CELF4: variants seen among roughly 807,000 people sequenced by gnomAD.
CELF4 encodes CUGBP Elav-like family member 4.
CELF4 carries 18 observed loss-of-function variants against 59.9 expected under a neutral mutation model. The ratio of observed to expected loss-of-function variants is 0.30; its 90% CI spans 0.21 to 0.45. The LOEUF is 0.45. CELF4 is among the 20% of genes least tolerant of loss of function. The pLI, the probability that CELF4 is intolerant of heterozygous loss-of-function variation, is 1.00. For missense variants in CELF4, 456 were observed against 689.0 expected, an observed-to-expected ratio of 0.66 and a Z score of 3.79; for synonymous variants, 261 against 267.1, an observed-to-expected ratio of 0.98 and a Z score of 0.22.
chr18:37,534,327 T>C (rs572562998), intron 1 of CELF4, among the ~76,000 whole-genome samples: 22 of 152,020 alleles, frequency 1.4e-4, no homozygotes, highest in Admixed American at 5.9e-4. Context: ...GCAGAAGGTG[T>C]CCAGCACCCA....
Position 37,273,064 on chromosome 18 carries a change from C to T in CELF4, c.901G>A (p.Ala301Thr). The change falls in exon 7 of 13, where the codon GCC (alanine) becomes ACC (threonine). Residue 301 changes from alanine (A) to threonine (T), a missense_variant. Physicochemically the swap from Ala to Thr is moderately conservative, Grantham distance 58 (BLOSUM62 0). Coordinates refer to ENST00000420428, the MANE Select transcript of CELF4 (RefSeq NM_020180.4). Reference sequence around the variant, plus strand: ...GCCGCCAGGCCATTCATGTTGAGGGCCGCCATCTGCTGCATCTGGGCGGCA... The same window carrying T: ...GCCGCCAGGCCATTCATGTTGAGGGTCGCCATCTGCTGCATCTGGGCGGCA... ...FAAAQMQQMA[A>T]LNMNGLAAAP... 6.2e-7 allele frequency: 1 copy of T among 1,612,672 alleles called. No individual in the cohort carries two copies. The highest frequency in any genetic ancestry group is 1.9e-4 in the Middle Eastern group (1 of 5,388).
At chr18:37,430,829 C>T (rs2099644757) in intron 2 of CELF4, among the ~76,000 whole-genome samples, 1 of 152,194 alleles carries the variant, frequency 6.6e-6, no homozygotes, top group Non-Finnish European at 1.5e-5. Context: ...AGTGCTTGCT[C>T]CTTCTCCTTA....
intron 1 of CELF4, among the ~76,000 whole-genome samples, chr18:37,502,563 G>A (rs1314613225): frequency 6.6e-6 from 1 of 152,218 alleles, no homozygotes. Flanking sequence ...CCTCCAGCAA[G>A]GCTAGTATCT....
At chr18:37,349,196 G>A (rs1022262572) in intron 2 of CELF4, among the ~76,000 whole-genome samples, 3 of 152,186 alleles carry the variant, frequency 2.0e-5, no homozygotes, top group Admixed American at 6.5e-5. Context: ...AGGCGGTTTC[G>A]GCAGTTCCCA....
intron 2 of CELF4, among the ~76,000 whole-genome samples, chr18:37,462,258 A>C (rs978602377): frequency 6.6e-6 from 1 of 152,172 alleles, no homozygotes; most frequent in East Asian, 1.9e-4. Flanking sequence ...GAAAAGGAGA[A>C]GCTAGCATCA....
intron 2 of CELF4, among the ~76,000 whole-genome samples, chr18:37,327,927 G>A (rs2097378955): frequency 6.6e-6 from 1 of 152,194 alleles, no homozygotes; most frequent in African/African-American, 2.4e-5. Context: ...CAAAGTCTAG[G>A]TTTGAAGCTC....
intron 2 of CELF4, among the ~76,000 whole-genome samples, chr18:37,384,443 G>C (rs915527326): frequency 6.6e-6 from 1 of 152,078 alleles, no homozygotes; most frequent in Non-Finnish European, 1.5e-5. Flanking sequence ...GAGGGGCCCT[G>C]TTGGGGGCCT....
intron 2 of CELF4, among the ~76,000 whole-genome samples, chr18:37,333,852 G>A (rs1369625238): frequency 6.6e-6 from 1 of 151,922 alleles, no homozygotes; most frequent in African/African-American, 2.4e-5. Flanking sequence ...GCACCTCTGT[G>A]TGCCAGGCCC....
intron 3 of CELF4, among the ~76,000 whole-genome samples, chr18:37,320,488 T>A (rs1603462184): frequency 6.6e-6 from 1 of 151,956 alleles, no homozygotes; most frequent in East Asian, 1.9e-4. Context: ...AGGCTGGAGG[T>A]AGGAAGCCAC....
At chr18:37,457,486 C>T (rs2099781590) in intron 2 of CELF4, among the ~76,000 whole-genome samples, 1 of 152,200 alleles carries the variant, frequency 6.6e-6, no homozygotes, top group Admixed American at 6.5e-5. Flanking sequence ...CACCAACCCA[C>T]TTCCCAGGCA....
chr18:37,271,991 C>T (rs961351561), intron 7 of CELF4, among the ~76,000 whole-genome samples: 1 of 152,158 alleles, frequency 6.6e-6, no homozygotes, highest in Non-Finnish European at 1.5e-5. Flanking sequence ...ACTGCCTGGG[C>T]TCATGTGTAT....
chr18:37,473,337 A>G (rs1016079381), intron 2 of CELF4: 1 of 152,192 alleles, frequency 6.6e-6, no homozygotes, highest in Non-Finnish European at 1.5e-5. Context: ...CCACTGGTGC[A>G]ACTGTCAAAA....
intron 2 of CELF4, among the ~76,000 whole-genome samples, chr18:37,368,210 C>G (rs912126667): frequency 3.3e-5 from 5 of 152,118 alleles, no homozygotes; most frequent in Non-Finnish European, 2.9e-5. Flanking sequence ...TTCCCCTGCC[C>G]CCCAGCCCAA....
At chr18:37,266,957 G>T (rs1186682008) in intron 8 of CELF4, among the ~76,000 whole-genome samples, 1 of 151,408 alleles carries the variant, frequency 6.6e-6, no homozygotes, top group Admixed American at 6.6e-5. Flanking sequence ...CACACAAGGG[G>T]CCCAGCCCTG....
At chr18:37,421,889 G>C (rs1391991827) in intron 2 of CELF4, among the ~76,000 whole-genome samples, 1 of 152,244 alleles carries the variant, frequency 6.6e-6, no homozygotes, top group Non-Finnish European at 1.5e-5. Context: ...TCCTCGGAAG[G>C]CAATCCTCAC....
chr18:37,559,088 A>G lies in CELF4; in HGVS notation c.286+6268T>C, dbSNP rs550133607. On this transcript the variant is annotated intron_variant, in intron 1 of 12. Transcript: ENST00000420428. ...ATATCAGGCAGATAAAACAAAAAGC[A>G]CACCTTCACACCAGGACTTGGATCA... Among the ~76,000 whole-genome samples, 85 of 152,130 alleles carry G rather than the reference A, an allele frequency of 5.6e-4. 1 individual carries two copies. The highest frequency in any genetic ancestry group is 5.0e-3 in the South Asian group (24 of 4,814).
chr18:37,558,836 C>T (rs1166703812), intron 1 of CELF4, among the ~76,000 whole-genome samples: 1 of 134,658 alleles, frequency 7.4e-6, no homozygotes, highest in African/African-American at 2.7e-5. Context: ...TGTGTGTGTA[C>T]ACTATAAAAG....
chr18:37,362,353 G>C (rs960975113), intron 2 of CELF4, among the ~76,000 whole-genome samples: 1 of 152,182 alleles, frequency 6.6e-6, no homozygotes, highest in Non-Finnish European at 1.5e-5. Flanking sequence ...ATCACTCCCC[G>C]GCGGCAGCCG....
At chr18:37,464,628 C>T (rs1008845667) in intron 2 of CELF4, among the ~76,000 whole-genome samples, 1 of 152,202 alleles carries the variant, frequency 6.6e-6, no homozygotes, top group South Asian at 2.1e-4. Flanking sequence ...CTCAGACAGG[C>T]TGGCTGAGAA....
Sources: allele counts gnomAD v4.1 joint callset (sites outside exome capture counted in the v4.1 genomes callset), GRCh38; gene constraint gnomAD v4.1.1; transcripts MANE v1.5; gene names NCBI Gene and HGNC (gene_info 2026-07-23, HGNC 2026-07-21).